The following NTM variants were observed in gnomAD, a reference collection of about 807,000 sequenced individuals.
NTM encodes IgLON family member 2.
In NTM, 13 loss-of-function variants were observed where a neutral mutation model predicts 42.1. That is an observed-to-expected ratio of 0.31 (90% CI 0.20 to 0.49). NTM has a LOEUF of 0.49. Ranked by LOEUF, NTM falls within the 20% of genes least tolerant of loss-of-function variation. NTM has a pLI of 0.99. For synonymous variants in NTM, 187 were observed against 179.2 expected, an observed-to-expected ratio of 1.04 and a Z score of -0.35; for missense variants, 373 against 452.8, an observed-to-expected ratio of 0.82 and a Z score of 1.60.
chr11:131,947,964 T>C (rs1189296831), intron 2 of NTM, among the ~76,000 whole-genome samples: 2 of 152,118 alleles, frequency 1.3e-5, no homozygotes, highest in East Asian at 3.9e-4. Flanking sequence ...TTAGTAGTAG[T>C]AGTATGATTA....
intron 1 of NTM, among the ~76,000 whole-genome samples, chr11:131,877,189 T>G (rs928971629): frequency 6.6e-6 from 1 of 152,184 alleles, no homozygotes; most frequent in Non-Finnish European, 1.5e-5. Flanking sequence ...AATGAACACT[T>G]GCTGTGCTGG....
chr11:131,885,225 G>T (rs1408965207), intron 1 of NTM, among the ~76,000 whole-genome samples: 1 of 152,182 alleles, frequency 6.6e-6, no homozygotes, highest in Non-Finnish European at 1.5e-5. Context: ...TCCAGGCACT[G>T]GGTATACAAC....
chr11:132,061,859 A>G (rs1793638), intron 2 of NTM, among the ~76,000 whole-genome samples: 59,910 of 151,878 alleles, frequency 0.39, 12,169 homozygotes, highest in South Asian at 0.52. Flanking sequence ...TTTTTTAAAG[A>G]TTTTTTTAAA....
chr11:131,524,478 C>T (rs1254477876), intron 1 of NTM, among the ~76,000 whole-genome samples: 1 of 152,224 alleles, frequency 6.6e-6, no homozygotes, highest in Non-Finnish European at 1.5e-5. Flanking sequence ...GACTATCAAA[C>T]AACTCATAGT....
intron 1 of NTM, among the ~76,000 whole-genome samples, chr11:131,564,779 G>A (rs1041062703): frequency 6.6e-6 from 1 of 152,068 alleles, no homozygotes; most frequent in African/African-American, 2.4e-5. Flanking sequence ...TTTCCTCTTT[G>A]AGCCTTCTTC....
chr11:131,483,903 G>A (rs1006084551), intron 1 of NTM, among the ~76,000 whole-genome samples: 3 of 152,228 alleles, frequency 2.0e-5, no homozygotes, highest in Admixed American at 6.5e-5. Flanking sequence ...TTTCCTCCAC[G>A]AACCTGCAAG....
intron 1 of NTM, among the ~76,000 whole-genome samples, chr11:131,373,810 T>C (rs1484686125): frequency 6.6e-6 from 1 of 152,146 alleles, no homozygotes; most frequent in Non-Finnish European, 1.5e-5. Context: ...CCTTTCTCAT[T>C]TCCTCACCTC....
chr11:131,931,737 T>A (rs951766576), intron 2 of NTM, among the ~76,000 whole-genome samples: 7 of 152,112 alleles, frequency 4.6e-5, no homozygotes, highest in Non-Finnish European at 7.4e-5. Flanking sequence ...AAGGCCACCT[T>A]GTAATCTGGC....
intron 4 of NTM, among the ~76,000 whole-genome samples, chr11:132,269,136 G>T (rs950400793): frequency 2.6e-5 from 4 of 152,232 alleles, no homozygotes; most frequent in Non-Finnish European, 5.9e-5. Context: ...AGGAGAAAGG[G>T]CATGATATTG....
At chr11:132,054,694 G>A (rs1363336910) in intron 2 of NTM, among the ~76,000 whole-genome samples, 2 of 152,128 alleles carry the variant, frequency 1.3e-5, no homozygotes, top group South Asian at 2.1e-4. Context: ...GAGAAAGGAG[G>A]GGCAGCAGGG....
chr11:131,473,543 C>T (rs1350105450), intron 1 of NTM, among the ~76,000 whole-genome samples: 1 of 152,130 alleles, frequency 6.6e-6, no homozygotes, highest in African/African-American at 2.4e-5. Flanking sequence ...GATAAGCAGG[C>T]TTTCAATAAT....
intron 1 of NTM, among the ~76,000 whole-genome samples, chr11:131,722,311 C>T (rs1349015142): frequency 6.6e-6 from 1 of 152,122 alleles, no homozygotes; most frequent in Non-Finnish European, 1.5e-5. Context: ...AGCCATTTTC[C>T]CCCAGACCAT....
At chr11:131,764,697 G>C (rs2084831136) in intron 1 of NTM, among the ~76,000 whole-genome samples, 1 of 152,118 alleles carries the variant, frequency 6.6e-6, no homozygotes, top group African/African-American at 2.4e-5. Flanking sequence ...CAATTACATG[G>C]GGTATAATTG....
At chr11:131,848,251 G>T (rs912342552) in intron 1 of NTM, among the ~76,000 whole-genome samples, 6 of 152,146 alleles carry the variant, frequency 3.9e-5, no homozygotes, top group South Asian at 2.1e-4. Context: ...TTTTCCCTTG[G>T]TTACAGCTAA....
intron 2 of NTM, chr11:131,922,387 T>C (rs1042286268): frequency 2.0e-5 from 3 of 152,286 alleles, no homozygotes; most frequent in African/African-American, 7.2e-5. Context: ...TACAGAGCCT[T>C]TTAATGATGA....
chr11:131,487,442 A>C (rs1954296055), intron 1 of NTM, among the ~76,000 whole-genome samples: 1 of 152,260 alleles, frequency 6.6e-6, no homozygotes, highest in Non-Finnish European at 1.5e-5. Context: ...GATTGGTTAA[A>C]GGTTACCAAG....
At chr11:132,333,653 C>T (rs139840971) in intron 8 of NTM, among the ~76,000 whole-genome samples, 1 of 152,276 alleles carries the variant, frequency 6.6e-6, no homozygotes, top group African/African-American at 2.4e-5. Flanking sequence ...TAAGTATCCC[C>T]TGGGCTTCTC....
At chr11:131,625,371 G>T (rs2062995854) in intron 1 of NTM, among the ~76,000 whole-genome samples, 2 of 152,156 alleles carry the variant, frequency 1.3e-5, no homozygotes, top group Middle Eastern at 3.2e-3. Flanking sequence ...GGAAGGAACA[G>T]GTGCCTTCGG....
chr11:132,308,257 C>T (rs2095163763), intron 5 of NTM, among the ~76,000 whole-genome samples: 1 of 152,146 alleles, frequency 6.6e-6, no homozygotes, highest in Admixed American at 6.5e-5. Flanking sequence ...TTTCAAACTT[C>T]CATTTATGGT....
Sources: gnomAD v4.1 joint callset for allele counts (sites outside exome capture counted in the v4.1 genomes callset) on GRCh38, gnomAD v4.1.1 for gene constraint, MANE v1.5 for transcripts, NCBI Gene and HGNC (gene_info 2026-07-23, HGNC 2026-07-21) for gene names.